PCSK6: variants seen among roughly 807,000 people sequenced by gnomAD.
The protein encoded by PCSK6 is proprotein convertase subtilisin/kexin type 6, also known as paired basic amino acid cleaving enzyme 4.
A neutral mutation model predicts 123.3 loss-of-function variants in PCSK6; 85 were observed. The observed-to-expected ratio is 0.69, with a 90% CI of 0.58 to 0.83. PCSK6 has a LOEUF of 0.83. Ranked by LOEUF, PCSK6 falls within the 40% of genes least tolerant of loss-of-function variation. The probability of loss-of-function intolerance (pLI) is 0.00; values close to 1 mark genes in which losing one functional copy is unlikely to be tolerated. For synonymous variants in PCSK6, 508 were observed against 516.0 expected (o/e 0.98, Z 0.21); for missense variants, 1,191 against 1,282.3 (o/e 0.93, Z 1.09).
chr15:101,427,859 C>T, intron 6 of PCSK6, 33 bp downstream of exon 6: 2 of 1,511,152 alleles, frequency 1.3e-6, no homozygotes, highest in Non-Finnish European at 9.0e-7. Flanking sequence ...GCCCCAGGCC[C>T]CTCGGCTCGC....
At chr15:101,325,818 A>G (rs2040239605) in intron 16 of PCSK6, among the ~76,000 whole-genome samples, 1 of 152,204 alleles carries the variant, frequency 6.6e-6, no homozygotes, top group Non-Finnish European at 1.5e-5. Flanking sequence ...GTCAGCCTGA[A>G]CCGGGCAACT....
At chr15:101,449,021 A>G (rs533572623) in intron 1 of PCSK6, among the ~76,000 whole-genome samples, 2 of 152,208 alleles carry the variant, frequency 1.3e-5, no homozygotes, top group South Asian at 4.2e-4. Flanking sequence ...GTGTGTGTGC[A>G]TATGTATATG....
chr15:101,310,987 G>A (rs2039845644), intron 20 of PCSK6, among the ~76,000 whole-genome samples: 2 of 152,168 alleles, frequency 1.3e-5, no homozygotes, highest in African/African-American at 4.8e-5. Context: ...CAGTGTTGGA[G>A]GTGGGGCCTG....
intron 13 of PCSK6, among the ~76,000 whole-genome samples, chr15:101,342,129 CAAAA>C (rs35083182): frequency 0.27 from 13,667 of 51,258 alleles, 778 homozygotes; most frequent in East Asian, 0.38. Context: ...GACCCTGTCT[CAAAA>C]AAAAAAAAAA....
Position 101,366,192 on chromosome 15 carries a change from T to C in PCSK6, c.1858+4A>G. ...CTGTCATGAGATTCCCAAGAGCCAC[T>C]GACCTTGCTTCTCCGGGTTGCGGAC... On this transcript the variant is annotated splice_donor_region_variant and intron_variant, in intron 13 of 21. Transcript: ENST00000611716. 1.2e-6 allele frequency: 2 copies of C among 1,610,470 alleles called. No individual in the cohort carries two copies. Among genetic ancestry groups the C allele is most frequent in the Non-Finnish European group, 1.7e-6 (2 of 1,178,124 alleles).
intron 1 of PCSK6, among the ~76,000 whole-genome samples, chr15:101,448,143 C>T (rs765203535): frequency 1.3e-5 from 2 of 152,174 alleles, no homozygotes; most frequent in Non-Finnish European, 2.9e-5. Flanking sequence ...AATTAGAGCC[C>T]GTCTCATGCA....
At chr15:101,375,313 T>TA (rs2041702837) in intron 11 of PCSK6, among the ~76,000 whole-genome samples, 1 of 121,468 alleles carries the variant, frequency 8.2e-6, no homozygotes, top group Non-Finnish European at 1.7e-5. Context: ...AAATTTAACC[T>TA]CAAAAAAAAA....
At chr15:101,332,158 G>A in intron 13 of PCSK6, 127 bp from the exon 14 acceptor site, 2 of 801,966 alleles carry the variant, frequency 2.5e-6, no homozygotes, top group South Asian at 1.9e-5. Flanking sequence ...TTCACTTCCT[G>A]GTTACCTGCT....
chr15:101,476,631 G>A (rs1343577115), intron 1 of PCSK6, among the ~76,000 whole-genome samples: 1 of 151,714 alleles, frequency 6.6e-6, no homozygotes, highest in East Asian at 1.9e-4. Context: ...TTAAGGCACA[G>A]AAACAGGACA....
At chr15:101,322,130 A>G (rs1031947951) in intron 18 of PCSK6, among the ~76,000 whole-genome samples, 7 of 152,296 alleles carry the variant, frequency 4.6e-5, no homozygotes, top group Admixed American at 2.6e-4. Context: ...GAGCTGGGAG[A>G]AAAAGAGAAG....
intron 6 of PCSK6, among the ~76,000 whole-genome samples, chr15:101,413,374 C>T (rs2055773714): frequency 6.6e-6 from 1 of 151,322 alleles, no homozygotes; most frequent in African/African-American, 2.4e-5. Context: ...CAAGGGTAGC[C>T]ACTAAAAAAG....
At chr15:101,415,963 G>A (rs1305831197) in intron 6 of PCSK6, among the ~76,000 whole-genome samples, 1 of 152,204 alleles carries the variant, frequency 6.6e-6, no homozygotes, top group Admixed American at 6.5e-5. Context: ...TCAGCAGCAT[G>A]AAAATGGACT....
chr15:101,430,689 A>G (rs915797213), intron 4 of PCSK6, among the ~76,000 whole-genome samples: 3 of 152,264 alleles, frequency 2.0e-5, no homozygotes, highest in Non-Finnish European at 2.9e-5. Flanking sequence ...TAAGGGCTGC[A>G]TAACGATCTG....
chr15:101,483,566 A>G (rs1415252482), intron 1 of PCSK6, among the ~76,000 whole-genome samples: 1 of 152,242 alleles, frequency 6.6e-6, no homozygotes, highest in Non-Finnish European at 1.5e-5. Context: ...AACCACCCTT[A>G]AGATAAACAT....
chr15:101,458,608 G>A (rs911461838), intron 1 of PCSK6, among the ~76,000 whole-genome samples: 6 of 152,028 alleles, frequency 3.9e-5, no homozygotes, highest in Admixed American at 3.3e-4. Context: ...CTTCTCCAGC[G>A]CAAACAGACC....
intron 8 of PCSK6, among the ~76,000 whole-genome samples, chr15:101,391,258 C>T (rs8041244): frequency 6.6e-6 from 1 of 152,138 alleles, no homozygotes; most frequent in Non-Finnish European, 1.5e-5. Flanking sequence ...CAGGGGTTCT[C>T]GGCAGATCAC....
intron 11 of PCSK6, among the ~76,000 whole-genome samples, chr15:101,377,202 T>G (rs1224175181): frequency 9.1e-4 from 12 of 13,154 alleles, no homozygotes; most frequent in African/African-American, 1.1e-3. Flanking sequence ...AGCTGTGCTC[T>G]TAGGCACTGG....
At chr15:101,484,784 A>G (rs1238225435) in intron 1 of PCSK6, among the ~76,000 whole-genome samples, 1 of 152,188 alleles carries the variant, frequency 6.6e-6, no homozygotes, top group Non-Finnish European at 1.5e-5. Flanking sequence ...TGAGAGATGT[A>G]TCTGTGTAGA....
intron 1 of PCSK6, among the ~76,000 whole-genome samples, chr15:101,445,925 C>T (rs1164276918): frequency 2.0e-5 from 3 of 152,248 alleles, no homozygotes; most frequent in African/African-American, 7.2e-5. Flanking sequence ...AGCCACCTTT[C>T]CCCTCAAAGG....
Sources: allele counts gnomAD v4.1 joint callset (sites outside exome capture counted in the v4.1 genomes callset), GRCh38; gene constraint gnomAD v4.1.1; transcripts MANE v1.5; gene names NCBI Gene and HGNC (gene_info 2026-07-23, HGNC 2026-07-21).